PLCD3: variants seen among roughly 807,000 people sequenced by gnomAD.
The protein encoded by PLCD3 is 1-phosphatidylinositol 4,5-bisphosphate phosphodiesterase delta-3.
PLCD3 carries 62 observed loss-of-function variants against 82.8 expected under a neutral mutation model. The observed-to-expected ratio is 0.75, with a 90% CI of 0.61 to 0.93. PLCD3 has a LOEUF of 0.93. PLCD3 is among the 40% of genes least tolerant of loss of function. The pLI is 0.00. For missense variants in PLCD3, 1,023 were observed against 1,103.4 expected, an observed-to-expected ratio of 0.93 and a Z score of 1.03; for synonymous variants, 478 against 471.8, an observed-to-expected ratio of 1.01 and a Z score of -0.17.
chr17:45,130,273 CTGA>C (rs1455552507), intron 1 of PLCD3, among the ~76,000 whole-genome samples: 3 of 152,182 alleles, frequency 2.0e-5, no homozygotes, highest in African/African-American at 7.2e-5. Context: ...CCTTACTCAG[CTGA>C]TGAGTACCGA....
intron 4 of PLCD3, 129 bp downstream of exon 4, chr17:45,120,196 G>A: frequency 1.5e-6 from 2 of 1,292,462 alleles, no homozygotes; most frequent in African/African-American, 1.5e-5. Flanking sequence ...TTTGTGCAGG[G>A]AAAGGCTGCT....
At chr17:45,117,838 C>T (rs739454) in intron 7 of PLCD3, among the ~76,000 whole-genome samples, 156 bp downstream of exon 7, 5,949 of 152,264 alleles carry the variant, frequency 0.039, 166 homozygotes, top group Non-Finnish European at 0.06. Context: ...AGCTTTATGC[C>T]ACCCCATTGG....
At position 45,112,443 on chromosome 17, in the gene PLCD3, C is replaced by T; in HGVS notation, c.*173G>A. The T allele has an allele frequency of 1.4e-6, 1 of 694,642 alleles. No homozygotes were observed. The allele number at this position is 694,642 out of a possible 1,614,324, so 43.0% of individuals were successfully genotyped here. A position where few individuals can be genotyped will look rare whatever the true frequency, so the allele number is the denominator to read the frequency against. On this transcript the variant is annotated 3_prime_UTR_variant, in exon 15 of 15. Coordinates refer to ENST00000619929, the MANE Select transcript of PLCD3 (RefSeq NM_133373.5). ...ACACCTTTCTGTTCTTCAGGAGGGGCCCAGGCAGCCCTCAGCACCCAGGTG... is the reference window on the plus strand; with the variant it reads ...ACACCTTTCTGTTCTTCAGGAGGGGTCCAGGCAGCCCTCAGCACCCAGGTG...
chr17:45,122,060 T>G lies in PLCD3; in HGVS notation c.164-688A>C, dbSNP rs150973891. On this transcript the variant is annotated intron_variant, in intron 1 of 14. Transcript: ENST00000619929. ...CACCAACAGCCTTTTTCCCTTGATG[T>G]GAAACCGTAGCCATCAGGAAGGTCT... Among the ~76,000 whole-genome samples the G allele has an allele frequency of 5.5e-3, 834 of 152,342 alleles. 4 individuals are homozygous for G. Among genetic ancestry groups the G allele is most frequent in the Middle Eastern group, 0.037 (11 of 294 alleles).
intron 1 of PLCD3, among the ~76,000 whole-genome samples, chr17:45,124,758 C>A (rs891870426): frequency 1.3e-5 from 2 of 152,268 alleles, no homozygotes; most frequent in African/African-American, 2.4e-5. Flanking sequence ...AGCCGCCCAC[C>A]TCCTACTGTT....
intron 13 of PLCD3, 49 bp from the exon 14 acceptor site, chr17:45,113,061 C>G (rs766791485): frequency 8.1e-6 from 13 of 1,606,916 alleles, no homozygotes; most frequent in African/African-American, 6.7e-5. Context: ...AGGACCCACC[C>G]TGCACCACCC....
chr17:45,128,419 G>A (rs1326202633), intron 1 of PLCD3, among the ~76,000 whole-genome samples: 3 of 152,312 alleles, frequency 2.0e-5, no homozygotes, highest in Non-Finnish European at 2.9e-5. Context: ...TGCTTAGACT[G>A]GAGGGCCACC....
chr17:45,115,003 G>C, intron 10 of PLCD3, 91 bp downstream of exon 10: 1 of 1,489,740 alleles, frequency 6.7e-7, no homozygotes, highest in East Asian at 2.5e-5. Context: ...CCTCTTTACT[G>C]TCCCCCAAAG....
rs1188231851 is a variant in PLCD3 at position 45,132,171 on chromosome 17, C to G, written c.163+77G>C. Reference sequence around the variant, plus strand: ...CCGTGCAGCCTGGGGAATCCACGAACTGCTCCCTGGAGCGCCCCAGACTGG... The same window carrying G: ...CCGTGCAGCCTGGGGAATCCACGAAGTGCTCCCTGGAGCGCCCCAGACTGG... On this transcript the variant is annotated intron_variant, in intron 1 of 14. Transcript: ENST00000619929. This position sits in a 1 kb window ranked among gnomAD's most constrained non-coding sequence, Gnocchi z 4.6. 8.2e-7 allele frequency: 1 copy of G among 1,219,296 alleles called. No individual in the cohort carries two copies. Among genetic ancestry groups the G allele is most frequent in the Non-Finnish European group, 1.0e-6 (1 of 976,546 alleles). 75.5% of individuals were successfully genotyped at this position (1,219,296 alleles called of 1,614,324 possible). A position where few individuals can be genotyped will look rare whatever the true frequency, so the allele number is the denominator to read the frequency against.
intron 1 of PLCD3, among the ~76,000 whole-genome samples, chr17:45,123,550 G>GGC (rs2054357781): frequency 6.6e-6 from 1 of 152,014 alleles, no homozygotes; most frequent in Non-Finnish European, 1.5e-5. Flanking sequence ...CAGAGTTCAG[G>GGC]ACAGAGGCCT....
rs535315997 is a variant in PLCD3 at position 45,118,743 on chromosome 17, C to A, written c.913+72G>T. On this transcript the variant is annotated intron_variant, in intron 5 of 14. Coordinates refer to ENST00000619929, the MANE Select transcript of PLCD3 (RefSeq NM_133373.5). This position sits in a 1 kb window ranked among gnomAD's most constrained non-coding sequence, Gnocchi z 4.1. ...GCCCGAGATGATGCCCGCGCCAGCCCGCAGCAGAACCCGCTTAGCTGGGAA... is the reference window on the plus strand; with the variant it reads ...GCCCGAGATGATGCCCGCGCCAGCCAGCAGCAGAACCCGCTTAGCTGGGAA... 2.7e-6 allele frequency: 4 copies of A among 1,472,090 alleles called. No individual in the cohort carries two copies. The highest frequency in any genetic ancestry group is 1.4e-5 in the African/African-American group (1 of 71,726). The allele number at this position is 1,472,090 out of a possible 1,614,324, so 91.2% of individuals were successfully genotyped here. A position where few individuals can be genotyped will look rare whatever the true frequency, so the allele number is the denominator to read the frequency against.
chr17:45,121,578 G>T (rs2054341336), intron 1 of PLCD3, among the ~76,000 whole-genome samples: 1 of 152,138 alleles, frequency 6.6e-6, no homozygotes, highest in Non-Finnish European at 1.5e-5. Context: ...AGGCTTTGGA[G>T]CCCTAAACGC....
In PLCD3 at chr17:45,132,288, G is replaced by A. The variant is rs756764896; in HGVS notation, c.123C>T (p.Gly41=). 3.1e-6 allele frequency: 4 copies of A among 1,271,792 alleles called. No homozygotes were observed. The Admixed American group carries it at 1.0e-4, about 32-fold the overall frequency. 78.8% of individuals were successfully genotyped at this position (1,271,792 alleles called of 1,614,324 possible). Residue 41 remains glycine (G), a synonymous_variant, in exon 1 of 15, where the codon GGC becomes GGT. Transcript: ENST00000619929. The surrounding 1 kb of genome is among the most constrained non-coding windows in gnomAD (Gnocchi z 4.6). The part of the protein sequence containing the change: ...ALPSPPTPSD[G]GTKRPGLRAL... ...CCCGCAGCCCGGGCCTCTTGGTGCC[G>A]CCATCGGAGGGAGTCGGCGGGGACG...
At chr17:45,125,018 C>T (rs186527967) in intron 1 of PLCD3, among the ~76,000 whole-genome samples, 10 of 152,220 alleles carry the variant, frequency 6.6e-5, no homozygotes, top group East Asian at 1.9e-4. Context: ...TGGTGAAACC[C>T]TGTCTCTACA....
At position 45,121,127 on chromosome 17, in the gene PLCD3, A is replaced by C; in HGVS notation, c.329T>G (p.Phe110Cys). 6.6e-7 allele frequency: 1 copy of C among 1,524,206 alleles called. No individual in the cohort carries two copies. The highest frequency in any genetic ancestry group is 1.2e-5 in the South Asian group (1 of 81,556). The allele number at this position is 1,524,206 out of a possible 1,614,324, so 94.4% of individuals were successfully genotyped here. A position where few individuals can be genotyped will look rare whatever the true frequency, so the allele number is the denominator to read the frequency against. ...GCGGACCGCCTCGATGTGCTGCACG[A>C]AGACTGAGAGGAGGGCCGGGTCAGG... ...IPRAPSQHIF[F>C]VQHIEAVREG... Residue 110 changes from phenylalanine (F) to cysteine (C), a missense_variant, in exon 3 of 15, where the codon TTC becomes TGC. Physicochemically the swap from Phe to Cys is radical, Grantham distance 205. Transcript: ENST00000619929.
Position 45,118,927 on chromosome 17 carries a change from G to A in PLCD3, c.801C>T (p.Asp267=). The change falls in exon 5 of 15, where the codon GAC becomes GAT. Residue 267 remains aspartate (D), a synonymous_variant. Coordinates refer to ENST00000619929, the MANE Select transcript of PLCD3 (RefSeq NM_133373.5). The surrounding 1 kb of genome is among the most constrained non-coding windows in gnomAD (Gnocchi z 4.1). ...EEIFHQYSGE[D]RVLSAPELLE... is the part of the protein sequence containing the mutation. ...GCAGCTCAGGGGCACTCAGCACGCG[G>A]TCCTCGCCCGAGTACTGATGGAAGA... is the stretch of plus-strand genomic sequence containing the variant. The A allele has an allele frequency of 1.2e-6, 2 of 1,612,708 alleles. No homozygotes were observed. The highest frequency in any genetic ancestry group is 1.7e-6 in the Non-Finnish European group (2 of 1,179,780).
chr17:45,116,567 C>T (rs1054508058), intron 8 of PLCD3, 65 bp downstream of exon 8: 41 of 1,447,234 alleles, frequency 2.8e-5, no homozygotes, highest in Non-Finnish European at 3.0e-5. Context: ...GTGGCACGAG[C>T]AGTGCGGGGA....
Position 45,118,847 on chromosome 17 carries a change from T to C in PLCD3, c.881A>G (p.Gln294Arg), listed in dbSNP as rs892598521. ...GTTGAGCTCATAGGTCTGAATGAGC[T>C]GCTGGGCGCGGGCCAGTGTGGCGCC... ...EEGATLARAQ[Q>R]LIQTYELNET... Residue 294 changes from glutamine to arginine, a missense_variant, in exon 5 of 15, where the codon CAG (glutamine) becomes CGG (arginine). Physicochemically the swap from Gln to Arg is conservative, Grantham distance 43. Coordinates refer to ENST00000619929, the MANE Select transcript of PLCD3 (RefSeq NM_133373.5). This position sits in a 1 kb window ranked among gnomAD's most constrained non-coding sequence, Gnocchi z 4.1. 24 of 1,611,138 alleles carry C rather than the reference T, an allele frequency of 1.5e-5. No homozygotes were observed. Among genetic ancestry groups the C allele is most frequent in the Non-Finnish European group, 1.8e-5 (21 of 1,179,486 alleles).
Position 45,132,454 on chromosome 17 carries a change from G to T in PLCD3, c.-44C>A, listed in dbSNP as rs1242158845. 1.7e-6 allele frequency: 2 copies of T among 1,149,570 alleles called. No individual in the cohort carries two copies. Among genetic ancestry groups the T allele is most frequent in the Non-Finnish European group, 2.2e-6 (2 of 926,114 alleles). 71.2% of individuals were successfully genotyped at this position (1,149,570 alleles called of 1,614,324 possible). On this transcript the variant is annotated 5_prime_UTR_variant, in exon 1 of 15. Coordinates refer to ENST00000619929, the MANE Select transcript of PLCD3 (RefSeq NM_133373.5). The surrounding 1 kb of genome is among the most constrained non-coding windows in gnomAD (Gnocchi z 4.6). ...GGCCGGGCCCGGGGTCTGCACGCGG[G>T]GACAGGGCAGCGGGGCGCCGCTCTG...
Sources: allele counts gnomAD v4.1 joint callset (sites outside exome capture counted in the v4.1 genomes callset), GRCh38; gene constraint gnomAD v4.1.1; non-coding constraint Gnocchi (gnomAD v3.1); transcripts MANE v1.5; gene names NCBI Gene and HGNC (gene_info 2026-07-23, HGNC 2026-07-21).